ZBTB8A: variants seen among roughly 807,000 people sequenced by gnomAD.
ZBTB8A encodes zinc finger and BTB domain-containing protein 8A.
A neutral mutation model predicts 37.8 loss-of-function variants in ZBTB8A; 19 were observed. The observed-to-expected ratio is 0.50, with a 90% CI of 0.35 to 0.74. The LOEUF is 0.74. Among genes scored for constraint, ZBTB8A ranks in the 30% least tolerant of loss-of-function variants. The probability of loss-of-function intolerance (pLI) is 0.01; values close to 1 mark genes in which losing one functional copy is unlikely to be tolerated. For missense variants in ZBTB8A, 394 were observed against 537.8 expected, an observed-to-expected ratio of 0.73 and a Z score of 2.65; for synonymous variants, 181 against 185.2, an observed-to-expected ratio of 0.98 and a Z score of 0.19.
chr1:32,591,299 C>G, intron 2 of ZBTB8A, among the ~76,000 whole-genome samples: 1 of 151,350 alleles, frequency 6.6e-6, no homozygotes, highest in Non-Finnish European at 1.5e-5. Context: ...CAGCCTTCAC[C>G]CCCTGGGCTC....
intron 4 of ZBTB8A, among the ~76,000 whole-genome samples, chr1:32,599,328 G>A (rs1313464603): frequency 6.6e-6 from 1 of 151,958 alleles, no homozygotes; most frequent in East Asian, 1.9e-4. Context: ...GGTAGGTTGG[G>A]ATGGGAGGAT....
chr1:32,573,472 A>T (rs1282143789), intron 2 of ZBTB8A, among the ~76,000 whole-genome samples: 1 of 146,838 alleles, frequency 6.8e-6, no homozygotes, highest in Non-Finnish European at 1.5e-5. Flanking sequence ...CACTCCCATC[A>T]CCCAGGCTGA....
At chr1:32,587,507 G>A (rs777301942) in intron 2 of ZBTB8A, among the ~76,000 whole-genome samples, 7 of 151,994 alleles carry the variant, frequency 4.6e-5, no homozygotes, top group Non-Finnish European at 7.4e-5. Flanking sequence ...TTGGCTGGGC[G>A]TGGTGGCTCA....
At chr1:32,586,574 G>A (rs376052608) in intron 2 of ZBTB8A, among the ~76,000 whole-genome samples, 6 of 152,044 alleles carry the variant, frequency 3.9e-5, no homozygotes, top group African/African-American at 1.2e-4. Context: ...ATAAGGTGAC[G>A]TTGGAACAGA....
At chr1:32,585,262 A>G (rs1644439289) in intron 2 of ZBTB8A, among the ~76,000 whole-genome samples, 1 of 151,350 alleles carries the variant, frequency 6.6e-6, no homozygotes, top group South Asian at 2.1e-4. Context: ...GATTCTCCCA[A>G]CTTGGCCTCC....
In ZBTB8A at chr1:32,547,533, A is replaced by G. The variant is rs1466054199; in HGVS notation, c.-83-5926A>G. On this transcript the variant is annotated intron_variant, in intron 1 of 4. Transcript: ENST00000373510. ...CCACTGTACTCAGCAACATTAAAACATAAACTTTTAGGTTGCAAATCTTAT... is the reference window on the plus strand; with the variant it reads ...CCACTGTACTCAGCAACATTAAAACGTAAACTTTTAGGTTGCAAATCTTAT... Among the ~76,000 whole-genome samples the G allele has an allele frequency of 4.0e-5, 6 of 149,950 alleles. No individual in the cohort carries two copies. In the East Asian group the frequency reaches 1.2e-3, roughly 29 times the overall value.
At chr1:32,555,619 A>T (rs1342615113) in intron 2 of ZBTB8A, among the ~76,000 whole-genome samples, 1 of 152,158 alleles carries the variant, frequency 6.6e-6, no homozygotes, top group Non-Finnish European at 1.5e-5. Flanking sequence ...AATCATGGGC[A>T]ATCCTCCAGG....
At chr1:32,570,744 C>T (rs1644316951) in intron 2 of ZBTB8A, among the ~76,000 whole-genome samples, 1 of 152,042 alleles carries the variant, frequency 6.6e-6, no homozygotes, top group Non-Finnish European at 1.5e-5. Context: ...ATATGTTGAT[C>T]CTGTATCTTG....
chr1:32,559,900 C>T (rs1171847298), intron 2 of ZBTB8A, among the ~76,000 whole-genome samples: 1 of 152,126 alleles, frequency 6.6e-6, no homozygotes, highest in Admixed American at 6.6e-5. Flanking sequence ...CCCTTGCCAC[C>T]TGTACTAGTC....
At chr1:32,566,587 T>C (rs1440502256) in intron 2 of ZBTB8A, among the ~76,000 whole-genome samples, 1 of 152,158 alleles carries the variant, frequency 6.6e-6, no homozygotes, top group East Asian at 1.9e-4. Context: ...TCCACATAAT[T>C]GCCTTTCAGT....
chr1:32,578,231 ATTTTT>A (rs561875455), intron 2 of ZBTB8A, among the ~76,000 whole-genome samples: 1 of 135,092 alleles, frequency 7.4e-6, no homozygotes, highest in Non-Finnish European at 1.6e-5. Flanking sequence ...CTCCTGGCTA[ATTTTT>A]TTTTTTTTTT....
At chr1:32,543,740 G>A (rs982263198) in intron 1 of ZBTB8A, among the ~76,000 whole-genome samples, 4 of 151,956 alleles carry the variant, frequency 2.6e-5, no homozygotes, top group African/African-American at 7.3e-5. Flanking sequence ...GCAATGGCGC[G>A]ATCTCGGCTC....
intron 1 of ZBTB8A, among the ~76,000 whole-genome samples, chr1:32,549,226 G>C (rs1394992178): frequency 6.6e-6 from 1 of 152,052 alleles, no homozygotes; most frequent in African/African-American, 2.4e-5. Context: ...GGGTGCTGTG[G>C]CTCATGCCTG....
rs576601771 is a variant in ZBTB8A, at chr1:32,591,930, A to G, written c.-1-1001A>G. On this transcript the variant is annotated intron_variant, in intron 2 of 4. Transcript: ENST00000373510. Reference sequence around the variant, plus strand: ...GCAACCTCGGCTCACTGCAACCTCTACCTCCCAGGATCAAGCGATTCTCCT... The same window carrying G: ...GCAACCTCGGCTCACTGCAACCTCTGCCTCCCAGGATCAAGCGATTCTCCT... 3.7e-3 allele frequency among the ~76,000 whole-genome samples: 559 copies of G among 151,900 alleles called. 5 individuals are homozygous for G. The highest frequency in any genetic ancestry group is 0.013 in the African/African-American group (539 of 41,438).
intron 2 of ZBTB8A, among the ~76,000 whole-genome samples, chr1:32,570,366 T>C (rs1644315107): frequency 1.3e-5 from 2 of 151,964 alleles, no homozygotes; most frequent in South Asian, 2.1e-4. Context: ...CCTTTTCCTC[T>C]TCTTTTTCAA....
At chr1:32,577,909 A>C (rs989027291) in intron 2 of ZBTB8A, among the ~76,000 whole-genome samples, 3 of 151,338 alleles carry the variant, frequency 2.0e-5, no homozygotes, top group Non-Finnish European at 4.4e-5. Context: ...TGATTTCTAT[A>C]AATTTTTTTT....
rs139684543 is a variant in ZBTB8A at position 32,547,648 on chromosome 1, GA to G, written c.-83-5804del. On this transcript the variant is annotated intron_variant, in intron 1 of 4. Coordinates refer to ENST00000373510, the MANE Select transcript of ZBTB8A (RefSeq NM_001040441.3). Reference sequence around the variant, plus strand: ...TCTCAAAAAAAAAAAAAAAAAGAAAGAAAAAAAGGCAAAAATGGTTTCTCAA... The same window carrying G: ...TCTCAAAAAAAAAAAAAAAAAGAAAGAAAAAAGGCAAAAATGGTTTCTCAA... 3.4e-3 allele frequency among the ~76,000 whole-genome samples: 428 copies of G among 126,752 alleles called. 5 individuals are homozygous for G. The East Asian group carries it at 0.05, about 15-fold the overall frequency. The allele number at this position is 126,752 out of a possible 152,430, so 83.2% of individuals were successfully genotyped here.
intron 1 of ZBTB8A, among the ~76,000 whole-genome samples, chr1:32,544,501 A>G (rs1243965653): frequency 6.6e-6 from 1 of 152,242 alleles, no homozygotes; most frequent in African/African-American, 2.4e-5. Flanking sequence ...GTTCAAGACA[A>G]GCCTGGCCAA....
At chr1:32,599,264 A>AT (rs869171367) in intron 4 of ZBTB8A, among the ~76,000 whole-genome samples, 17 of 151,274 alleles carry the variant, frequency 1.1e-4, no homozygotes, top group Non-Finnish European at 1.3e-4. Flanking sequence ...TCTATAAAAA[A>AT]TTTTTTTTTA....
Sources: allele counts gnomAD v4.1 joint callset (sites outside exome capture counted in the v4.1 genomes callset), GRCh38; gene constraint gnomAD v4.1.1; transcripts MANE v1.5; gene names NCBI Gene and HGNC (gene_info 2026-07-23, HGNC 2026-07-21).